XYLT2: variants seen among roughly 807,000 people sequenced by gnomAD.
XYLT2 encodes the protein xylosyltransferase 2.
Under a neutral mutation model 82.6 loss-of-function variants are expected in XYLT2, and 37 were observed. That is an observed-to-expected ratio of 0.45 (90% CI 0.34 to 0.59). The LOEUF is 0.59. Among genes scored for constraint, XYLT2 ranks in the 20% least tolerant of loss-of-function variants. The pLI is 0.01. For synonymous variants in XYLT2, 474 were observed against 499.0 expected, an observed-to-expected ratio of 0.95 and a Z score of 0.67; for missense variants, 934 against 1,181.3, an observed-to-expected ratio of 0.79 and a Z score of 3.07.
At chr17:50,355,465 C>G in intron 4 of XYLT2, 36 bp from the exon 5 acceptor site, 1 of 1,605,178 alleles carries the variant, frequency 6.2e-7, no homozygotes, top group Non-Finnish European at 8.5e-7. Context: ...GAGCAACTAT[C>G]TCATGTGGCT....
chr17:50,360,576 T>TTTTTC lies in XYLT2; in HGVS notation c.*289_*290insCTTTT. On this transcript the variant is annotated 3_prime_UTR_variant, in exon 11 of 11. Coordinates refer to ENST00000017003, the MANE Select transcript of XYLT2 (RefSeq NM_022167.4). Reference sequence around the variant, plus strand: ...AGTTTGAATTTCTTTTTTTTCTTTTTTTTTTTTTTTTTTTAATTTAAAAAG... The same window carrying TTTTTC: ...AGTTTGAATTTCTTTTTTTTCTTTTTTTTTCTTTTTTTTTTTTTTAATTTAAAAAG... The TTTTTC allele has an allele frequency of 2.6e-6, 3 of 1,144,186 alleles. No individual in the cohort carries two copies. Among genetic ancestry groups the TTTTTC allele is most frequent in the Non-Finnish European group, 3.2e-6 (3 of 931,660 alleles). 70.9% of individuals were successfully genotyped at this position (1,144,186 alleles called of 1,614,324 possible).
intron 1 of XYLT2, among the ~76,000 whole-genome samples, chr17:50,352,411 G>T (rs185103788): frequency 6.6e-6 from 1 of 152,348 alleles, no homozygotes; most frequent in East Asian, 1.9e-4. Context: ...GCCCTGGAGA[G>T]ATGGAGCTGA....
At position 50,346,154 on chromosome 17, in the gene XYLT2, C is replaced by T; in HGVS notation, c.14C>T (p.Ala5Val). The T allele has an allele frequency of 7.1e-6, 9 of 1,267,666 alleles. No homozygotes were observed. The highest frequency in any genetic ancestry group is 9.2e-6 in the Non-Finnish European group (9 of 981,474). The allele number at this position is 1,267,666 out of a possible 1,614,324, so 78.5% of individuals were successfully genotyped here. A position where few individuals can be genotyped will look rare whatever the true frequency, so the allele number is the denominator to read the frequency against. Residue 5 changes from alanine (A) to valine (V), a missense_variant, in exon 1 of 11, where the codon GCG becomes GTG. Ala to Val is a moderately conservative substitution (Grantham distance 64). Around this residue, in one of 3 missense-constraint regions of XYLT2, gnomAD observed 371 missense variants for 394.9 expected, o/e 0.94. Transcript: ENST00000017003. This position sits in a 1 kb window ranked among gnomAD's most constrained non-coding sequence, Gnocchi z 5.1. The part of the protein sequence containing the change: MVAS[A>V]RVQKLVRRYK... ...CCGGGCAGGAAGATGGTGGCGAGCG[C>T]GCGAGTGCAGAAGCTGGTGCGGCGC...
chr17:50,353,947 C>T lies in XYLT2; in HGVS notation c.453C>T (p.Pro151=), dbSNP rs146157359. The T allele has an allele frequency of 1.7e-4, 277 of 1,606,788 alleles. No individual in the cohort carries two copies. Among genetic ancestry groups the T allele is most frequent in the Non-Finnish European group, 2.9e-5 (34 of 1,179,892 alleles). ...ATACAGGGAGCGTGGAGGGCGCCCC[C>T]CAGCCCACGGACAATGGCTTCACCC... ...HGDTGSVEGA[P]QPTDNGFTPK... is the part of the protein sequence containing the mutation. Residue 151 remains proline, a synonymous_variant, in exon 2 of 11, where the codon CCC becomes CCT. Transcript: ENST00000017003.
Position 50,358,326 on chromosome 17 carries a change from A to G in XYLT2, c.2061A>G (p.Thr687=), listed in dbSNP as rs149948269. 2.3e-4 allele frequency: 377 copies of G among 1,614,028 alleles called. No homozygotes were observed. In the African/African-American group the frequency reaches 4.6e-3, roughly 20 times the overall value. The stretch of plus-strand genomic sequence containing the variant: ...CCCGGGGCCCCAACCTCACAGCCAC[A>G]GTGGTCTGGATCGACCCAACCTATG... ...RWARGPNLTA[T]VVWIDPTYVV... The change falls in exon 10 of 11, where the codon ACA becomes ACG. Residue 687 remains threonine (T), a synonymous_variant. Transcript: ENST00000017003.
rs1598351873 is a variant in XYLT2 at position 50,356,594 on chromosome 17, G to C, written c.1566G>C (p.Leu522=). Residue 522 remains leucine, a synonymous_variant, in exon 8 of 11, where the codon CTG becomes CTC. Transcript: ENST00000017003. Reference sequence around the variant, plus strand: ...TGCTGGAAATCCTGGACTTCCACCTGTATGGCAGCTACCCCCCCGGCACGC... The same window carrying C: ...TGCTGGAAATCCTGGACTTCCACCTCTATGGCAGCTACCCCCCCGGCACGC... The part of the protein sequence containing the change: ...QEVLEILDFH[L]YGSYPPGTPA... 6.2e-7 allele frequency: 1 copy of C among 1,614,094 alleles called. No individual in the cohort carries two copies. The highest frequency in any genetic ancestry group is 1.1e-5 in the South Asian group (1 of 91,080).
rs536000979 is a variant in XYLT2, at chr17:50,357,770, C to T, written c.1942-437C>T. 482 of 166,548 alleles carry T rather than the reference C, an allele frequency of 2.9e-3. 5 individuals carry two copies. The highest frequency in any genetic ancestry group is 0.011 in the African/African-American group (464 of 41,896). 10.3% of individuals were successfully genotyped at this position (166,548 alleles called of 1,614,324 possible). A position where few individuals can be genotyped will look rare whatever the true frequency, so the allele number is the denominator to read the frequency against. On this transcript the variant is annotated intron_variant, in intron 9 of 10. Coordinates refer to ENST00000017003, the MANE Select transcript of XYLT2 (RefSeq NM_022167.4). Reference sequence around the variant, plus strand: ...TTTTTTTTTGTATTTTTAATAGAGACGGGGTTTCACCATGTTGACCAGGAT... The same window carrying T: ...TTTTTTTTTGTATTTTTAATAGAGATGGGGTTTCACCATGTTGACCAGGAT...
chr17:50,353,537 C>A, intron 1 of XYLT2, 93 bp from the exon 2 acceptor site: 1 of 1,497,442 alleles, frequency 6.7e-7, no homozygotes. Flanking sequence ...GCAGGAACAT[C>A]TAGGTCTGAG....
Position 50,346,586 on chromosome 17 carries a change from G to T in XYLT2, c.135+311G>T. 3.1e-6 allele frequency: 3 copies of T among 983,096 alleles called. No homozygotes were observed. Among genetic ancestry groups the T allele is most frequent in the South Asian group, 9.4e-5 (2 of 21,240 alleles). The allele number at this position is 983,096 out of a possible 1,614,324, so 60.9% of individuals were successfully genotyped here. On this transcript the variant is annotated intron_variant, in intron 1 of 10. Coordinates refer to ENST00000017003, the MANE Select transcript of XYLT2 (RefSeq NM_022167.4). The surrounding 1 kb of genome is among the most constrained non-coding windows in gnomAD (Gnocchi z 5.1). The stretch of plus-strand genomic sequence containing the variant: ...GCGATGAAGGTCAGGCGCGGCGAGC[G>T]GGGCTGGGAGGCGGGGCTGGGCCCG...
Position 50,360,132 on chromosome 17 carries a change from C to G in XYLT2, c.2439C>G (p.Asp813Glu). Residue 813 changes from aspartate to glutamate, a missense_variant, in exon 11 of 11, where the codon GAC becomes GAG. Physicochemically the swap from Asp to Glu is conservative, Grantham distance 45. Coordinates refer to ENST00000017003, the MANE Select transcript of XYLT2 (RefSeq NM_022167.4). ...LTGPALEAWT[D>E]RELSSFWSVA... ...GCCCTGCGCTCGAGGCCTGGACAGACAGGGAACTGAGCAGCTTCTGGTCCG... is the reference window on the plus strand; with the variant it reads ...GCCCTGCGCTCGAGGCCTGGACAGAGAGGGAACTGAGCAGCTTCTGGTCCG... The G allele has an allele frequency of 2.5e-6, 4 of 1,614,038 alleles. No homozygotes were observed. The highest frequency in any genetic ancestry group is 2.5e-6 in the Non-Finnish European group (3 of 1,179,978).
At chr17:50,358,679 C>A in intron 10 of XYLT2, 139 bp downstream of exon 10, 1 of 908,972 alleles carries the variant, frequency 1.1e-6, no homozygotes, top group South Asian at 1.8e-5. Flanking sequence ...GGGCCTTCAT[C>A]TTCTTTCCTG....
chr17:50,356,830 G>A, intron 8 of XYLT2, 57 bp downstream of exon 8: 2 of 1,553,152 alleles, frequency 1.3e-6, no homozygotes, highest in South Asian at 2.4e-5. Flanking sequence ...CTAGGGGGAG[G>A]CCAACCAGAG....
chr17:50,353,937 AG>A lies in XYLT2; in HGVS notation c.446del (p.Gly149AlafsTer60). The A allele has an allele frequency of 6.2e-7, 1 of 1,607,434 alleles. No homozygotes were observed. On this transcript the variant is annotated frameshift_variant, in exon 2 of 11. Coordinates refer to ENST00000017003, the MANE Select transcript of XYLT2 (RefSeq NM_022167.4). LOFTEE classifies it high-confidence loss of function. Reference protein sequence around the residue: ...FPPHGDTGSVEGAPQPTDNGF... With the variant: ...FPPHGDTGSVXGAPQPTDNGF... ...CCACACGGAGATACAGGGAGCGTGG[AG>A]GGCGCCCCCCAGCCCACGGACAATG... is the stretch of plus-strand genomic sequence containing the variant.
chr17:50,361,087 T>C lies in XYLT2; in HGVS notation c.*796T>C, dbSNP rs1008388631. ...AGACTCTCAGAAGAACCTGGAGTAA[T>C]TGTGCCTGAAGCTCAGCGTGAAGTC... is the stretch of plus-strand genomic sequence containing the variant. On this transcript the variant is annotated 3_prime_UTR_variant, in exon 11 of 11. Coordinates refer to ENST00000017003, the MANE Select transcript of XYLT2 (RefSeq NM_022167.4). 2.6e-5 allele frequency: 26 copies of C among 985,784 alleles called. No homozygotes were observed. Among genetic ancestry groups the C allele is most frequent in the Non-Finnish European group, 2.9e-5 (24 of 829,976 alleles). 61.1% of individuals were successfully genotyped at this position (985,784 alleles called of 1,614,324 possible). A position where few individuals can be genotyped will look rare whatever the true frequency, so the allele number is the denominator to read the frequency against.
Position 50,360,322 on chromosome 17 carries a change from C to G in XYLT2, c.*31C>G. The G allele has an allele frequency of 6.5e-7, 1 of 1,535,004 alleles. No homozygotes were observed. Among genetic ancestry groups the G allele is most frequent in the Non-Finnish European group, 8.8e-7 (1 of 1,139,878 alleles). Reference sequence around the variant, plus strand: ...CCCCAGCCAGTACCCGTGGAGGACCCGGGAAATTGCACCTTACAGACAGTG... The same window carrying G: ...CCCCAGCCAGTACCCGTGGAGGACCGGGGAAATTGCACCTTACAGACAGTG... On this transcript the variant is annotated 3_prime_UTR_variant, in exon 11 of 11. Transcript: ENST00000017003.
Position 50,346,148 on chromosome 17 carries a change from C to A in XYLT2, c.8C>A (p.Ala3Glu), listed in dbSNP as rs1186744711. The A allele has an allele frequency of 8.0e-7, 1 of 1,257,430 alleles. No individual in the cohort carries two copies. The highest frequency in any genetic ancestry group is 1.0e-6 in the Non-Finnish European group (1 of 976,278). 77.9% of individuals were successfully genotyped at this position (1,257,430 alleles called of 1,614,324 possible). The change falls in exon 1 of 11, where the codon GCG becomes GAG. Residue 3 changes from alanine to glutamate, a missense_variant. Transcript: ENST00000017003. The surrounding 1 kb of genome is among the most constrained non-coding windows in gnomAD (Gnocchi z 5.1). MV[A>E]SARVQKLVRR... ...CGCGTCCCGGGCAGGAAGATGGTGG[C>A]GAGCGCGCGAGTGCAGAAGCTGGTG...
At position 50,360,188 on chromosome 17, in the gene XYLT2, C is replaced by T; in HGVS notation, c.2495C>T (p.Pro832Leu). The T allele has an allele frequency of 1.2e-6, 2 of 1,614,080 alleles. No individual in the cohort carries two copies. The highest frequency in any genetic ancestry group is 1.1e-5 in the South Asian group (1 of 91,080). Residue 832 changes from proline (P) to leucine (L), a missense_variant, in exon 11 of 11, where the codon CCC (proline) becomes CTC (leucine). Coordinates refer to ENST00000017003, the MANE Select transcript of XYLT2 (RefSeq NM_022167.4). The part of the protein sequence containing the change: ...VAGLCAIGPS[P>L]CPSLEPCRLT... Reference sequence around the variant, plus strand: ...GGACTGTGTGCCATAGGCCCCTCTCCCTGCCCCTCCCTGGAGCCCTGCAGA... The same window carrying T: ...GGACTGTGTGCCATAGGCCCCTCTCTCTGCCCCTCCCTGGAGCCCTGCAGA...
In XYLT2 at chr17:50,346,859, G is replaced by C; in HGVS notation, c.135+584G>C. ...AAGGAGAGAACTGGAGTATTCCCGA[G>C]GTGTGGCTTCCTCAGCCGGGGGTTT... On this transcript the variant is annotated intron_variant, in intron 1 of 10. Coordinates refer to ENST00000017003, the MANE Select transcript of XYLT2 (RefSeq NM_022167.4). This position sits in a 1 kb window ranked among gnomAD's most constrained non-coding sequence, Gnocchi z 5.1. The C allele has an allele frequency of 1.0e-6, 1 of 985,404 alleles. No individual in the cohort carries two copies. Among genetic ancestry groups the C allele is most frequent in the African/African-American group, 1.7e-5 (1 of 57,342 alleles). The allele number at this position is 985,404 out of a possible 1,614,324, so 61.0% of individuals were successfully genotyped here.
In XYLT2 at chr17:50,353,941, C is replaced by T. The variant is rs772384817; in HGVS notation, c.447C>T (p.Gly149=). 16 of 1,606,940 alleles carry T rather than the reference C, an allele frequency of 1.0e-5. No homozygotes were observed. Among genetic ancestry groups the T allele is most frequent in the East Asian group, 6.7e-5 (3 of 44,864 alleles). ...PPHGDTGSVE[G]APQPTDNGFT... is the part of the protein sequence containing the mutation. ...ACGGAGATACAGGGAGCGTGGAGGG[C>T]GCCCCCCAGCCCACGGACAATGGCT... Residue 149 remains glycine, a synonymous_variant, in exon 2 of 11, where the codon GGC becomes GGT. Coordinates refer to ENST00000017003, the MANE Select transcript of XYLT2 (RefSeq NM_022167.4).
Sources: gnomAD v4.1 joint callset for allele counts (sites outside exome capture counted in the v4.1 genomes callset) on GRCh38, gnomAD v4.1.1 for gene constraint, gnomAD v4.1.1 regional missense constraint, Gnocchi (gnomAD v3.1) non-coding constraint, MANE v1.5 for transcripts, NCBI Gene and HGNC (gene_info 2026-07-23, HGNC 2026-07-21) for gene names.